The following IGSF9 variants were observed in gnomAD, a reference collection of about 807,000 sequenced individuals.
IGSF9 encodes the protein immunoglobulin superfamily member 9, also known as protein turtle homolog A.
Under a neutral mutation model 121.7 loss-of-function variants are expected in IGSF9, and 87 were observed. The observed-to-expected ratio is 0.71, with a 90% CI of 0.60 to 0.85. IGSF9 has a LOEUF of 0.85. Among genes scored for constraint, IGSF9 ranks in the 40% least tolerant of loss-of-function variants. The pLI, the probability that IGSF9 is intolerant of heterozygous loss-of-function variation, is 0.00. For missense variants in IGSF9, 1,462 were observed against 1,565.3 expected, an observed-to-expected ratio of 0.93 and a Z score of 1.11; for synonymous variants, 640 against 648.4, an observed-to-expected ratio of 0.99 and a Z score of 0.20.
At position 159,929,643 on chromosome 1, in the gene IGSF9, C is replaced by G. The variant is rs929343194; in HGVS notation, c.2321G>C (p.Arg774Pro). The G allele has an allele frequency of 1.9e-6, 3 of 1,594,108 alleles. No individual in the cohort carries two copies. Among genetic ancestry groups the G allele is most frequent in the Admixed American group, 1.8e-5 (1 of 56,174 alleles). ...RAARRRRKRL[R>P]QDPPLIFSPT... ...CTGAGGGTGGAGGGACTTACCTTGG[C>G]GGAGGCGCTTGCGGCGGCGGCGGGC... Residue 774 changes from arginine to proline, a missense_variant, in exon 17 of 21, where the codon CGC (arginine) becomes CCC (proline). Transcript: ENST00000368094.
intron 3 of IGSF9, among the ~76,000 whole-genome samples, chr1:159,939,470 C>T (rs918923140): frequency 6.6e-6 from 1 of 152,176 alleles, no homozygotes; most frequent in African/African-American, 2.4e-5. Flanking sequence ...AAGGGATCCT[C>T]CTGCCTCAGC....
intron 5 of IGSF9, 58 bp downstream of exon 5, chr1:159,936,696 G>C: frequency 1.3e-6 from 2 of 1,592,796 alleles, no homozygotes; most frequent in Non-Finnish European, 1.7e-6. Flanking sequence ...CCCACTGCCA[G>C]GCCCCCACCT....
Position 159,934,251 on chromosome 1 carries a change from G to T in IGSF9, c.1043C>A (p.Ala348Asp). 6.2e-7 allele frequency: 1 copy of T among 1,613,984 alleles called. No homozygotes were observed. Among genetic ancestry groups the T allele is most frequent in the Non-Finnish European group, 8.5e-7 (1 of 1,179,944 alleles). ...MPGVIRCPVR[A>D]NPPLLFVSWT... ...GCTGACAAAGAGCAGTGGGGGGTTG[G>T]CACGAACCGGGCAGCGGATCACCCC... is the stretch of plus-strand genomic sequence containing the variant. The change falls in exon 9 of 21, where the codon GCC becomes GAC. Residue 348 changes from alanine (A) to aspartate (D), a missense_variant. Transcript: ENST00000368094.
chr1:159,943,794 G>A (rs1166557845), intron 1 of IGSF9, among the ~76,000 whole-genome samples, 166 bp from the exon 2 acceptor site: 1 of 152,042 alleles, frequency 6.6e-6, no homozygotes, highest in Admixed American at 6.6e-5. Context: ...TAAGAGCAGG[G>A]GTAGGAGTAC....
rs773661361 is a variant in IGSF9 at position 159,927,371 on chromosome 1, G to C, written c.3514C>G (p.His1172Asp). 1 of 1,613,772 alleles carries C rather than the reference G, an allele frequency of 6.2e-7. No individual in the cohort carries two copies. Among genetic ancestry groups the C allele is most frequent in the Non-Finnish European group, 8.5e-7 (1 of 1,179,946 alleles). ...CACAGCAGAGTGGCCTGTTCGGGGT[G>C]GGGGACTGGCTGTCGATAGGCTGGT... ...RLPAYRQPVPHPEQATLL is the reference protein window; with the variant it reads ...RLPAYRQPVPDPEQATLL The change falls in exon 21 of 21, where the codon CAC becomes GAC. Residue 1172 changes from histidine (H) to aspartate (D), a missense_variant. Physicochemically the swap from His to Asp is moderately conservative, Grantham distance 81 (BLOSUM62 -1). This residue lies in a region of IGSF9 where 808 missense variants were observed against 815.2 expected (regional missense o/e 0.99). Coordinates refer to ENST00000368094, the MANE Select transcript of IGSF9 (RefSeq NM_001135050.2).
intron 20 of IGSF9, 107 bp from the exon 21 acceptor site, chr1:159,927,633 CAAGG>C: frequency 6.5e-7 from 1 of 1,539,746 alleles, no homozygotes; most frequent in Non-Finnish European, 8.8e-7. Context: ...CCCAAGGGGG[CAAGG>C]CACAGTCTAG....
rs768142739 is a variant in IGSF9, at chr1:159,936,747, G to C, written c.555+7C>G. ...TATGGCTCACTCTGTCCACCCCCAG[G>C]ACTCACTTGCACCTGGCCCTGGCCC... is the stretch of plus-strand genomic sequence containing the variant. On this transcript the variant is annotated splice_region_variant and intron_variant, in intron 5 of 20. Transcript: ENST00000368094. The C allele has an allele frequency of 1.2e-6, 2 of 1,614,014 alleles. No homozygotes were observed. The highest frequency in any genetic ancestry group is 1.7e-6 in the Non-Finnish European group (2 of 1,179,960).
At position 159,927,889 on chromosome 1, in the gene IGSF9, T is replaced by G; in HGVS notation, c.3231-2A>C. On this transcript the variant is annotated splice_acceptor_variant, in intron 19 of 20. Transcript: ENST00000368094. LOFTEE classifies it high-confidence loss of function. ...TTCTCGTCCACAGATGTGTTCCTCC[T>G]GTAAAAAAAAAAAAAAAGACAAACA... The G allele has an allele frequency of 6.9e-7, 1 of 1,452,222 alleles. No homozygotes were observed. Among genetic ancestry groups the G allele is most frequent in the Non-Finnish European group, 9.0e-7 (1 of 1,106,350 alleles). 90.0% of individuals were successfully genotyped at this position (1,452,222 alleles called of 1,614,324 possible).
At chr1:159,940,502 G>A (rs894916138) in intron 3 of IGSF9, among the ~76,000 whole-genome samples, 3 of 152,180 alleles carry the variant, frequency 2.0e-5, no homozygotes, top group South Asian at 4.1e-4. Context: ...ATGCAGCGGC[G>A]TGTGAAGAAA....
chr1:159,943,705 G>C (rs1651488114), intron 1 of IGSF9, 77 bp from the exon 2 acceptor site: 1 of 397,996 alleles, frequency 2.5e-6, no homozygotes, highest in African/African-American at 2.1e-5. Context: ...TTAGAGAAAG[G>C]CACTGGGAAG....
In IGSF9 at chr1:159,930,178, T is replaced by C. The variant is rs1650938310; in HGVS notation, c.2064+11A>G. Reference sequence around the variant, plus strand: ...TAGGAGGCCTCTCTCTGTATCGCCTTTCGCACATACCTTGATGAGGCCTGG... The same window carrying C: ...TAGGAGGCCTCTCTCTGTATCGCCTCTCGCACATACCTTGATGAGGCCTGG... On this transcript the variant is annotated intron_variant, in intron 15 of 20. Coordinates refer to ENST00000368094, the MANE Select transcript of IGSF9 (RefSeq NM_001135050.2). The C allele has an allele frequency of 6.3e-7, 1 of 1,596,006 alleles. No homozygotes were observed. The highest frequency in any genetic ancestry group is 8.6e-7 in the Non-Finnish European group (1 of 1,169,438).
rs1427694400 is a variant in IGSF9 at position 159,932,952 on chromosome 1, T to G, written c.1105-300A>C. 3.5e-6 allele frequency: 1 copy of G among 285,606 alleles called. No homozygotes were observed. Among genetic ancestry groups the G allele is most frequent in the Non-Finnish European group, 6.5e-6 (1 of 152,822 alleles). 17.7% of individuals were successfully genotyped at this position (285,606 alleles called of 1,614,324 possible). ...CGTGGGGCTTCCTGCCTGCTGGGAC[T>G]TCACCTGGCTCTCTTCCCAGCACTC... On this transcript the variant is annotated intron_variant, in intron 9 of 20. Coordinates refer to ENST00000368094, the MANE Select transcript of IGSF9 (RefSeq NM_001135050.2). The surrounding 1 kb of genome is among the most constrained non-coding windows in gnomAD (Gnocchi z 4.1).
In IGSF9 at chr1:159,931,540, A is replaced by G. The variant is rs747811300; in HGVS notation, c.1426T>C (p.Leu476=). Residue 476 remains leucine, a synonymous_variant, in exon 12 of 21, where the codon TTG becomes CTG. Transcript: ENST00000368094. The surrounding 1 kb of genome is among the most constrained non-coding windows in gnomAD (Gnocchi z 4.8). ...DSNSSLILRP[L]TKEAHGHWEC... The stretch of plus-strand genomic sequence containing the variant: ...CAGTGCCCGTGGGCCTCCTTGGTCA[A>G]TGGTCGCAGGATGAGGCTGCTGTTG... 9.9e-6 allele frequency: 16 copies of G among 1,613,992 alleles called. No homozygotes were observed. Among genetic ancestry groups the G allele is most frequent in the African/African-American group, 6.7e-5 (5 of 74,902 alleles).
chr1:159,943,509 G>A lies in IGSF9; in HGVS notation c.-55C>T. The A allele has an allele frequency of 1.2e-5, 17 of 1,467,712 alleles. No individual in the cohort carries two copies. The highest frequency in any genetic ancestry group is 1.3e-5 in the Non-Finnish European group (14 of 1,101,118). 90.9% of individuals were successfully genotyped at this position (1,467,712 alleles called of 1,614,324 possible). ...CCTATCCACAGGAGCCCAGATGGAGGGGCCAAGGGATGTCCTTCTGATCAG... is the reference window on the plus strand; with the variant it reads ...CCTATCCACAGGAGCCCAGATGGAGAGGCCAAGGGATGTCCTTCTGATCAG... On this transcript the variant is annotated 5_prime_UTR_variant, in exon 2 of 21. Transcript: ENST00000368094.
intron 6 of IGSF9, 123 bp downstream of exon 6, chr1:159,936,276 C>T (rs2101879766): frequency 3.6e-6 from 3 of 840,318 alleles, no homozygotes; most frequent in Non-Finnish European, 5.9e-6. Context: ...ACCCCCTTAG[C>T]TTCCACGGGC....
chr1:159,939,600 A>G (rs1339501005), intron 3 of IGSF9, among the ~76,000 whole-genome samples: 1 of 152,188 alleles, frequency 6.6e-6, no homozygotes, highest in Non-Finnish European at 1.5e-5. Flanking sequence ...AGCTCTTCCT[A>G]ATGCTAGAAA....
intron 3 of IGSF9, among the ~76,000 whole-genome samples, chr1:159,941,271 T>C (rs546169038): frequency 6.6e-6 from 1 of 152,190 alleles, no homozygotes; most frequent in Non-Finnish European, 1.5e-5. Flanking sequence ...AAGAGCATTG[T>C]CCTTAGCAAC....
Position 159,930,759 on chromosome 1 carries a change from G to A in IGSF9, c.1746C>T (p.Phe582=), listed in dbSNP as rs1650966559. Residue 582 remains phenylalanine (F), a synonymous_variant, in exon 14 of 21, where the codon TTC becomes TTT. Transcript: ENST00000368094. ...CCAGCTTGTTCTGAGCTAGCACGCT[G>A]AACTGGTACTGGGTGTGGGGCTGCA... is the stretch of plus-strand genomic sequence containing the variant. ...PGLQPHTQYQ[F]SVLAQNKLGS... is the part of the protein sequence containing the mutation. 6.2e-7 allele frequency: 1 copy of A among 1,614,052 alleles called. No homozygotes were observed.
chr1:159,931,389 G>A lies in IGSF9; in HGVS notation c.1513+64C>T. On this transcript the variant is annotated intron_variant, in intron 12 of 20. Coordinates refer to ENST00000368094, the MANE Select transcript of IGSF9 (RefSeq NM_001135050.2). The surrounding 1 kb of genome is among the most constrained non-coding windows in gnomAD (Gnocchi z 4.8). ...GTCCCACACCCATGATCCTCTTTCT[G>A]GGCCTCCAAAAACGATTCCCAAGTA... 1 of 1,597,776 alleles carries A rather than the reference G, an allele frequency of 6.3e-7. No individual in the cohort carries two copies.
Sources: gnomAD v4.1 joint callset for allele counts (sites outside exome capture counted in the v4.1 genomes callset) on GRCh38, gnomAD v4.1.1 for gene constraint, gnomAD v4.1.1 regional missense constraint, Gnocchi (gnomAD v3.1) non-coding constraint, MANE v1.5 for transcripts, NCBI Gene and HGNC (gene_info 2026-07-23, HGNC 2026-07-21) for gene names.